SYN3: variants seen among roughly 807,000 people sequenced by gnomAD.
The protein encoded by SYN3 is synapsin-3.
SYN3 carries 35 observed loss-of-function variants against 65.8 expected under a neutral mutation model. The ratio of observed to expected loss-of-function variants is 0.53; its 90% CI spans 0.41 to 0.70. The LOEUF (loss-of-function observed/expected upper bound fraction) is 0.70, where lower values mean the gene tolerates loss of function less well. SYN3 is among the 30% of genes least tolerant of loss of function. SYN3 has a pLI of 0.00. For synonymous variants in SYN3, 270 were observed against 292.9 expected (o/e 0.92, Z 0.80); for missense variants, 680 against 749.0 (o/e 0.91, Z 1.08).
At chr22:32,523,834 G>A (rs1841464309) in intron 12 of SYN3, among the ~76,000 whole-genome samples, 1 of 152,230 alleles carries the variant, frequency 6.6e-6, no homozygotes, top group Admixed American at 6.5e-5. Flanking sequence ...TAGCTAAGTT[G>A]TGAATGTGAA....
intron 3 of SYN3, among the ~76,000 whole-genome samples, chr22:32,937,932 G>C (rs1322659211): frequency 6.6e-6 from 1 of 152,172 alleles, no homozygotes; most frequent in African/African-American, 2.4e-5. Flanking sequence ...TAAAGTCTCA[G>C]TAAGAGAAGA....
At chr22:32,977,165 T>G (rs944838962) in intron 3 of SYN3, among the ~76,000 whole-genome samples, 1 of 152,170 alleles carries the variant, frequency 6.6e-6, no homozygotes, top group African/African-American at 2.4e-5. Context: ...AGGGGCAGGT[T>G]GGAAATCAGA....
intron 6 of SYN3, among the ~76,000 whole-genome samples, chr22:32,676,381 C>G (rs1298111110): frequency 6.6e-6 from 1 of 152,184 alleles, no homozygotes; most frequent in Non-Finnish European, 1.5e-5. Flanking sequence ...GTCAGAACTG[C>G]CAGCTTGTCC....
rs528243102 is a variant in SYN3 at position 33,046,987 on chromosome 22, T to C, written c.-163+11305A>G. ...CTTACCTGTCCTGAGGTCCATCTGC[T>C]GTTCTCTCTGCCAGGTACTCTTTTC... On this transcript the variant is annotated intron_variant, in intron 1 of 13. Transcript: ENST00000358763. Among the ~76,000 whole-genome samples the C allele has an allele frequency of 5.3e-5, 8 of 152,218 alleles. No individual in the cohort carries two copies. In the East Asian group the frequency reaches 1.4e-3, roughly 26 times the overall value.
At chr22:32,780,934 T>TTTCCTTCCTTCC (rs71187216) in intron 6 of SYN3, among the ~76,000 whole-genome samples, 1,769 of 82,630 alleles carry the variant, frequency 0.021, 47 homozygotes, top group Middle Eastern at 0.042. Context: ...CCTTCCTTCC[T>TTTCCTTCCTTCC]TTCCTTCCTT....
chr22:32,676,385 C>T (rs1569143500), intron 6 of SYN3, among the ~76,000 whole-genome samples: 1 of 152,208 alleles, frequency 6.6e-6, no homozygotes, highest in African/African-American at 2.4e-5. Flanking sequence ...GAACTGCCAG[C>T]TTGTCCTAGG....
In SYN3 at chr22:32,661,095, C is replaced by A. The variant is rs978431943; in HGVS notation, c.712-64359G>T. Among the ~76,000 whole-genome samples, 496 of 152,324 alleles carry A rather than the reference C, an allele frequency of 3.3e-3. 3 individuals are homozygous for A. Among genetic ancestry groups the A allele is most frequent in the African/African-American group, 0.011 (477 of 41,562 alleles). ...CGGATCTGGCTGAGTCTAGTGCCCA[C>A]CAGAGAAAACTTTGGCCTTTAATCT... On this transcript the variant is annotated intron_variant, in intron 6 of 13. Transcript: ENST00000358763.
intron 3 of SYN3, 60 bp downstream of exon 3, chr22:32,980,585 G>GA (rs2052341305): frequency 6.6e-7 from 1 of 1,510,858 alleles, no homozygotes; most frequent in African/African-American, 1.4e-5. Context: ...TTGCATGTAA[G>GA]AACAGCCCCA....
chr22:33,032,911 T>G (rs186549691), intron 1 of SYN3, among the ~76,000 whole-genome samples: 1 of 152,116 alleles, frequency 6.6e-6, no homozygotes, highest in South Asian at 2.1e-4. Context: ...CCTGTTTCCA[T>G]GAAATGTATG....
At chr22:32,600,175 C>T (rs1423189432) in intron 6 of SYN3, among the ~76,000 whole-genome samples, 1 of 152,164 alleles carries the variant, frequency 6.6e-6, no homozygotes, top group Non-Finnish European at 1.5e-5. Flanking sequence ...AGCTTGTTTT[C>T]TTGCAACTAG....
intron 1 of SYN3, among the ~76,000 whole-genome samples, chr22:33,030,863 A>C (rs745734354): frequency 6.6e-6 from 1 of 152,190 alleles, no homozygotes; most frequent in Non-Finnish European, 1.5e-5. Context: ...AGAGACAGAG[A>C]TACATAGAGA....
chr22:32,885,078 T>C (rs1316782684), intron 4 of SYN3, among the ~76,000 whole-genome samples: 1 of 152,114 alleles, frequency 6.6e-6, no homozygotes, highest in Non-Finnish European at 1.5e-5. Flanking sequence ...TAGTGTATAA[T>C]TTCAATTGCC....
At chr22:32,965,813 G>A (rs2051819549) in intron 3 of SYN3, among the ~76,000 whole-genome samples, 1 of 152,076 alleles carries the variant, frequency 6.6e-6, no homozygotes, top group South Asian at 2.1e-4. Context: ...TCCTGCCTCA[G>A]CCTCCCGAGT....
intron 4 of SYN3, among the ~76,000 whole-genome samples, chr22:32,897,083 G>A (rs971289951): frequency 5.9e-5 from 9 of 152,042 alleles, no homozygotes; most frequent in East Asian, 1.9e-4. Context: ...TAAAGTTACC[G>A]TCCCCTGGGG....
chr22:32,958,648 T>C (rs2051544435), intron 3 of SYN3, among the ~76,000 whole-genome samples: 1 of 152,240 alleles, frequency 6.6e-6, no homozygotes, highest in African/African-American at 2.4e-5. Context: ...CTAAGGGCTT[T>C]GCATGTAGTA....
At chr22:32,787,890 C>T (rs1378829978) in intron 6 of SYN3, among the ~76,000 whole-genome samples, 1 of 151,860 alleles carries the variant, frequency 6.6e-6, no homozygotes, top group Non-Finnish European at 1.5e-5. Context: ...CTGGGAGAGG[C>T]AGAGGGAGGG....
rs147134051 is a variant in SYN3 at position 32,574,447 on chromosome 22, C to T, written c.774+22227G>A. Among the ~76,000 whole-genome samples the T allele has an allele frequency of 5.9e-5, 9 of 152,222 alleles. No individual in the cohort carries two copies. In the East Asian group the frequency reaches 1.7e-3, roughly 29 times the overall value. On this transcript the variant is annotated intron_variant, in intron 7 of 13. Transcript: ENST00000358763. ...TGAGCTATGATCACGTCACTGTACT[C>T]CAGCCTGGGCACCAGAGACAGACTC... is the stretch of plus-strand genomic sequence containing the variant.
intron 6 of SYN3, among the ~76,000 whole-genome samples, chr22:32,838,636 A>G (rs1470641414): frequency 6.6e-6 from 1 of 152,134 alleles, no homozygotes; most frequent in Non-Finnish European, 1.5e-5. Flanking sequence ...AATATTTTGG[A>G]ACAATGTCGG....
At chr22:32,767,724 C>A (rs1435435415) in intron 6 of SYN3, among the ~76,000 whole-genome samples, 3 of 152,092 alleles carry the variant, frequency 2.0e-5, no homozygotes, top group African/African-American at 7.2e-5. Context: ...CTTTCTTTCT[C>A]TGAGAACATT....
Sources: allele counts gnomAD v4.1 joint callset (sites outside exome capture counted in the v4.1 genomes callset), GRCh38; gene constraint gnomAD v4.1.1; transcripts MANE v1.5; gene names NCBI Gene and HGNC (gene_info 2026-07-23, HGNC 2026-07-21).